Variants in MIS18BP1 observed in about 807,000 individuals in gnomAD.
MIS18BP1 encodes the protein mis18-binding protein 1.
In MIS18BP1, 72 loss-of-function variants were observed where a neutral mutation model predicts 116.1. The ratio of observed to expected loss-of-function variants is 0.62; its 90% CI spans 0.51 to 0.75. The LOEUF (loss-of-function observed/expected upper bound fraction) is 0.75, where lower values mean the gene tolerates loss of function less well. Ranked by LOEUF, MIS18BP1 falls within the 30% of genes least tolerant of loss-of-function variation. The probability of loss-of-function intolerance (pLI) is 0.00; values close to 1 mark genes in which losing one functional copy is unlikely to be tolerated. For missense variants in MIS18BP1, 1,363 were observed against 1,303.2 expected (o/e 1.05, Z -0.71); for synonymous variants, 386 against 427.0 (o/e 0.90, Z 1.18).
intron 11 of MIS18BP1, among the ~76,000 whole-genome samples, chr14:45,221,911 G>A (rs1329271884): frequency 6.6e-6 from 1 of 152,182 alleles, no homozygotes; most frequent in Non-Finnish European, 1.5e-5. Context: ...TTTAACTCAT[G>A]TATTTTGAGG....
chr14:45,213,104 A>C (rs574996842), intron 13 of MIS18BP1, among the ~76,000 whole-genome samples: 1 of 152,302 alleles, frequency 6.6e-6, no homozygotes, highest in East Asian at 1.9e-4. Context: ...GAGTCTCCCT[A>C]TATTGCCCAG....
rs1303213432 is a variant in MIS18BP1 at position 45,224,037 on chromosome 14, T to C, written c.2550A>G (p.Lys850=). 2 of 1,613,920 alleles carry C rather than the reference T, an allele frequency of 1.2e-6. No individual in the cohort carries two copies. The highest frequency in any genetic ancestry group is 2.2e-5 in the South Asian group (2 of 91,068). The change falls in exon 11 of 17, where the codon AAA becomes AAG. Residue 850 remains lysine, a synonymous_variant. Transcript: ENST00000310806. ...CTACTGCCTCAGTAATTGGAAACTC[T>C]TTCCTAACACCAGACTTCTGAAGAG... The part of the protein sequence containing the change: ...KETLQKSGVR[K]EFPITEAVGS...
chr14:45,218,314 T>A lies in MIS18BP1; in HGVS notation c.2810A>T (p.Lys937Met), dbSNP rs1304423569. The change falls in exon 12 of 17, where the codon AAG becomes ATG. Residue 937 changes from lysine (K) to methionine (M), a missense_variant. Transcript: ENST00000310806. The stretch of plus-strand genomic sequence containing the variant: ...GCCTTTGGAATTGGCTGGCTTCTTC[T>A]TAGTGACATGTTTCTGGGATCCTTT... ...RGKGSQKHVT[K>M]KKPANSKGQN... 3.1e-6 allele frequency: 5 copies of A among 1,614,096 alleles called. No individual in the cohort carries two copies. Among genetic ancestry groups the A allele is most frequent in the African/African-American group, 1.3e-5 (1 of 75,046 alleles).
At chr14:45,206,427 C>T (rs1890519924) in intron 14 of MIS18BP1, 5 of 324,092 alleles carry the variant, frequency 1.5e-5, no homozygotes, top group African/African-American at 2.2e-5. Context: ...GCTTGGACTA[C>T]AGGCACGTGC....
intron 6 of MIS18BP1, among the ~76,000 whole-genome samples, chr14:45,234,868 A>C (rs911311961): frequency 4.6e-5 from 7 of 152,184 alleles, no homozygotes; most frequent in African/African-American, 1.7e-4. Context: ...GTTAAATGAT[A>C]TTCTTATAAC....
chr14:45,235,665 A>G, intron 6 of MIS18BP1, 149 bp downstream of exon 6: 2 of 557,662 alleles, frequency 3.6e-6, no homozygotes, highest in South Asian at 9.6e-5. Flanking sequence ...CAGAAAAAAA[A>G]TTACCAGTTT....
rs181207533 is a variant in MIS18BP1 at position 45,246,717 on chromosome 14, C to T, written c.544+26G>A. On this transcript the variant is annotated intron_variant, in intron 2 of 16. Transcript: ENST00000310806. ...ACATTAAACACTTAAGACATTACAG[C>T]TTTTTAGCTAACACATAAAACTAAC... The T allele has an allele frequency of 1.2e-4, 179 of 1,528,828 alleles. No homozygotes were observed. The African/African-American group carries it at 2.1e-3, about 18-fold the overall frequency. The allele number at this position is 1,528,828 out of a possible 1,614,324, so 94.7% of individuals were successfully genotyped here.
rs767548233 is a variant in MIS18BP1 at position 45,217,045 on chromosome 14, T to C, written c.2977A>G (p.Thr993Ala). The C allele has an allele frequency of 3.1e-6, 5 of 1,613,950 alleles. No individual in the cohort carries two copies. The highest frequency in any genetic ancestry group is 1.7e-5 in the Admixed American group (1 of 60,006). The change falls in exon 13 of 17, where the codon ACA (threonine) becomes GCA (alanine). Residue 993 changes from threonine to alanine, a missense_variant. Transcript: ENST00000310806. ...AGTATTCTTTGATGCTGTAAAGGTG[T>C]TGTACTGAAAAAATCATCATGGTCA... is the stretch of plus-strand genomic sequence containing the variant. ...KDDHDDFFST[T>A]PLQHQRILLP...
At chr14:45,251,491 T>C (rs1891873310) in intron 1 of MIS18BP1, among the ~76,000 whole-genome samples, 1 of 152,210 alleles carries the variant, frequency 6.6e-6, no homozygotes, top group Admixed American at 6.5e-5. Flanking sequence ...TGGAAAGTTC[T>C]TGTAAGAATT....
chr14:45,222,041 G>A (rs557474742), intron 11 of MIS18BP1, among the ~76,000 whole-genome samples: 79 of 152,090 alleles, frequency 5.2e-4, no homozygotes, highest in African/African-American at 1.6e-3. Flanking sequence ...AGTCTATTTT[G>A]ACAGATATTA....
chr14:45,216,902 G>T, intron 13 of MIS18BP1, 117 bp downstream of exon 13: 1 of 1,064,788 alleles, frequency 9.4e-7, no homozygotes, highest in Non-Finnish European at 1.4e-6. Flanking sequence ...CTATGATCAT[G>T]TCTACGGAGG....
chr14:45,227,189 A>G (rs968160801), intron 9 of MIS18BP1, among the ~76,000 whole-genome samples: 5 of 152,144 alleles, frequency 3.3e-5, no homozygotes, highest in African/African-American at 1.2e-4. Flanking sequence ...TCAGTCCCCA[A>G]GTAAATGAAA....
Position 45,226,739 on chromosome 14 carries a change from T to C in MIS18BP1, c.1840+4A>G. The C allele has an allele frequency of 7.2e-7, 1 of 1,381,560 alleles. No homozygotes were observed. Among genetic ancestry groups the C allele is most frequent in the South Asian group, 1.5e-5 (1 of 67,908 alleles). 85.6% of individuals were successfully genotyped at this position (1,381,560 alleles called of 1,614,324 possible). A position where few individuals can be genotyped will look rare whatever the true frequency, so the allele number is the denominator to read the frequency against. On this transcript the variant is annotated splice_donor_region_variant and intron_variant, in intron 10 of 16. Coordinates refer to ENST00000310806, the MANE Select transcript of MIS18BP1 (RefSeq NM_018353.5). Reference sequence around the variant, plus strand: ...TGATTAAAAAACCATTAAAGATATATTACCTTGCTTCTGACTTTTTATTAT... The same window carrying C: ...TGATTAAAAAACCATTAAAGATATACTACCTTGCTTCTGACTTTTTATTAT...
chr14:45,227,224 C>G lies in MIS18BP1; in HGVS notation c.1747-388G>C, dbSNP rs534202086. Among the ~76,000 whole-genome samples the G allele has an allele frequency of 2.6e-5, 4 of 152,228 alleles. No homozygotes were observed. The South Asian group carries it at 8.3e-4, about 32-fold the overall frequency. ...AAGCTGATACTTGAAAAACAGAACT[C>G]TTGGCTGGGCGCAGTGGCTCACGAC... On this transcript the variant is annotated intron_variant, in intron 9 of 16. Transcript: ENST00000310806.
intron 5 of MIS18BP1, 125 bp from the exon 6 acceptor site, chr14:45,236,069 A>G: frequency 1.2e-6 from 1 of 867,362 alleles, no homozygotes; most frequent in Non-Finnish European, 1.8e-6. Context: ...AAAATATTTG[A>G]AGGCCAAACA....
chr14:45,217,889 T>C (rs1031117529), intron 12 of MIS18BP1, among the ~76,000 whole-genome samples: 2 of 152,216 alleles, frequency 1.3e-5, no homozygotes, highest in Non-Finnish European at 2.9e-5. Context: ...TCTGGCATAA[T>C]CAACCTTTTA....
chr14:45,208,491 T>C (rs1210655095), intron 14 of MIS18BP1, among the ~76,000 whole-genome samples: 2 of 151,934 alleles, frequency 1.3e-5, no homozygotes, highest in Non-Finnish European at 2.9e-5. Context: ...CACCACCACA[T>C]CCGGCTAATT....
intron 5 of MIS18BP1, among the ~76,000 whole-genome samples, chr14:45,236,675 A>G (rs892733367): frequency 6.6e-6 from 1 of 152,188 alleles, no homozygotes; most frequent in African/African-American, 2.4e-5. Flanking sequence ...CTTCTCTTCA[A>G]TTCTCTTTTG....
intron 7 of MIS18BP1, chr14:45,232,513 G>C: frequency 2.1e-6 from 1 of 484,574 alleles, no homozygotes. Flanking sequence ...TTGTACCTCA[G>C]GCCAGGCACA....
Sources: allele counts gnomAD v4.1 joint callset (sites outside exome capture counted in the v4.1 genomes callset), GRCh38; gene constraint gnomAD v4.1.1; transcripts MANE v1.5; gene names NCBI Gene and HGNC (gene_info 2026-07-23, HGNC 2026-07-21).